ADAMTS17: variants seen among roughly 807,000 people sequenced by gnomAD.
The protein encoded by ADAMTS17 is A disintegrin and metalloproteinase with thrombospondin motifs 17.
ADAMTS17 carries 113 observed loss-of-function variants against 141.5 expected under a neutral mutation model. The observed-to-expected ratio is 0.80, with a 90% confidence interval of 0.69 to 0.93. ADAMTS17 has a LOEUF of 0.93. Ranked by LOEUF, ADAMTS17 falls within the 40% of genes least tolerant of loss-of-function variation. The probability of loss-of-function intolerance (pLI) is 0.00; values close to 1 mark genes in which losing one functional copy is unlikely to be tolerated. For synonymous variants in ADAMTS17, 768 were observed against 630.6 expected, an observed-to-expected ratio of 1.22 and a Z score of -3.27; for missense variants, 1,659 against 1,517.9, an observed-to-expected ratio of 1.09 and a Z score of -1.54.
intron 20 of ADAMTS17, among the ~76,000 whole-genome samples, chr15:99,991,995 G>A (rs1195634854): frequency 6.6e-6 from 1 of 152,052 alleles, no homozygotes; most frequent in Non-Finnish European, 1.5e-5. Flanking sequence ...ACACAGGGAG[G>A]GGAACATCAC....
At chr15:100,314,977 C>A (rs567743041) in intron 3 of ADAMTS17, among the ~76,000 whole-genome samples, 1 of 152,308 alleles carries the variant, frequency 6.6e-6, no homozygotes, top group Non-Finnish European at 1.5e-5. Flanking sequence ...CTGAAGGAGG[C>A]ACAAGGAGTG....
intron 10 of ADAMTS17, among the ~76,000 whole-genome samples, chr15:100,146,549 AG>A (rs1441134410): frequency 6.6e-6 from 1 of 152,224 alleles, no homozygotes; most frequent in African/African-American, 2.4e-5. Flanking sequence ...CAAATTGTAC[AG>A]CATGTGTGTT....
At chr15:100,140,241 C>T (rs1182757696) in intron 10 of ADAMTS17, among the ~76,000 whole-genome samples, 1 of 152,128 alleles carries the variant, frequency 6.6e-6, no homozygotes, top group Non-Finnish European at 1.5e-5. Flanking sequence ...GGTGATCCTC[C>T]TGCCTTGGCC....
intron 15 of ADAMTS17, among the ~76,000 whole-genome samples, chr15:100,095,682 A>G (rs1196594029): frequency 6.6e-6 from 1 of 152,104 alleles, no homozygotes; most frequent in African/African-American, 2.4e-5. Flanking sequence ...TCAACTACAG[A>G]CGCTTTCTTA....
At chr15:100,062,503 T>G (rs564906218) in intron 15 of ADAMTS17, among the ~76,000 whole-genome samples, 139 of 152,292 alleles carry the variant, frequency 9.1e-4, no homozygotes, top group South Asian at 2.5e-3. Context: ...ACTTGCCTAT[T>G]AGAGATTTGT....
At chr15:100,195,613 CAAAAAA>C (rs71287815) in intron 8 of ADAMTS17, among the ~76,000 whole-genome samples, 1 of 63,646 alleles carries the variant, frequency 1.6e-5, no homozygotes, top group Non-Finnish European at 3.0e-5. Flanking sequence ...TGTTTGGTCT[CAAAAAA>C]AAAAAAAAAA....
At chr15:100,164,387 G>C (rs1226485989) in intron 8 of ADAMTS17, among the ~76,000 whole-genome samples, 1 of 16,552 alleles carries the variant, frequency 6.0e-5, no homozygotes, top group African/African-American at 2.7e-4. Flanking sequence ...TAATAATACT[G>C]AATGTCATTC....
chr15:100,136,599 G>A (rs2038345961), intron 10 of ADAMTS17, among the ~76,000 whole-genome samples: 1 of 152,194 alleles, frequency 6.6e-6, no homozygotes, highest in Admixed American at 6.5e-5. Flanking sequence ...GGCAGGAGGG[G>A]GCTTTCTCTA....
At chr15:100,118,938 G>A (rs1188303889) in intron 12 of ADAMTS17, among the ~76,000 whole-genome samples, 1 of 151,928 alleles carries the variant, frequency 6.6e-6, no homozygotes, top group Non-Finnish European at 1.5e-5. Flanking sequence ...TTGGAAACAG[G>A]GTCAACAGGG....
chr15:100,243,405 G>C (rs1211701391), intron 7 of ADAMTS17, among the ~76,000 whole-genome samples: 2 of 152,174 alleles, frequency 1.3e-5, no homozygotes, highest in Non-Finnish European at 2.9e-5. Flanking sequence ...GTTTTCCATA[G>C]CAGATGCACC....
At chr15:100,220,942 G>A (rs1226772156) in intron 7 of ADAMTS17, among the ~76,000 whole-genome samples, 3 of 152,176 alleles carry the variant, frequency 2.0e-5, no homozygotes, top group East Asian at 3.8e-4. Flanking sequence ...TTTCTACATT[G>A]GGACTATGAC....
intron 18 of ADAMTS17, among the ~76,000 whole-genome samples, chr15:100,032,087 T>G (rs910262132): frequency 2.6e-5 from 4 of 152,130 alleles, no homozygotes; most frequent in Admixed American, 2.6e-4. Context: ...AGCTGTGGGT[T>G]TGATTCCTGA....
At chr15:100,176,144 C>T (rs1380890485) in intron 8 of ADAMTS17, among the ~76,000 whole-genome samples, 3 of 152,144 alleles carry the variant, frequency 2.0e-5, no homozygotes, top group Admixed American at 6.5e-5. Context: ...CAACCACTCT[C>T]CAATGGGAAA....
At position 100,262,794 on chromosome 15, in the gene ADAMTS17, A is replaced by C. The variant is rs567206331; in HGVS notation, c.790-359T>G. The stretch of plus-strand genomic sequence containing the variant: ...ACTCTTCCAGTACTAAAAAAAAAAA[A>C]AAACAAAAAACCTAAAGAATAATTA... On this transcript the variant is annotated intron_variant, in intron 4 of 21. Transcript: ENST00000268070. Among the ~76,000 whole-genome samples, 397 of 151,768 alleles carry C rather than the reference A, an allele frequency of 2.6e-3. 1 individual carries two copies. Among genetic ancestry groups the C allele is most frequent in the Admixed American group, 7.8e-3 (119 of 15,274 alleles).
rs1204845257 is a variant in ADAMTS17 at position 100,282,757 on chromosome 15, C to CA, written c.617-1357dup. Reference sequence around the variant, plus strand: ...CACAATTACAATCACAAAAAAGTGGCAAAAAAATGGAAATATACAACTATA... The same window carrying CA: ...CACAATTACAATCACAAAAAAGTGGCAAAAAAAATGGAAATATACAACTATA... On this transcript the variant is annotated intron_variant, in intron 3 of 21. Coordinates refer to ENST00000268070, the MANE Select transcript of ADAMTS17 (RefSeq NM_139057.4). Among the ~76,000 whole-genome samples, 12 of 151,300 alleles carry CA rather than the reference C, an allele frequency of 7.9e-5. No homozygotes were observed. The East Asian group carries it at 1.4e-3, about 17-fold the overall frequency.
chr15:100,244,464 G>A (rs118138013), intron 7 of ADAMTS17, among the ~76,000 whole-genome samples: 265 of 151,714 alleles, frequency 1.7e-3, no homozygotes, highest in East Asian at 0.013. Context: ...TAATTATCAC[G>A]TGTCATGGGA....
intron 7 of ADAMTS17, among the ~76,000 whole-genome samples, chr15:100,248,889 C>G (rs755092947): frequency 2.6e-5 from 4 of 151,712 alleles, no homozygotes; most frequent in Non-Finnish European, 5.9e-5. Context: ...ACCTCCACTT[C>G]CCAGGTTCTA....
At chr15:100,176,424 G>A (rs367576675) in intron 8 of ADAMTS17, among the ~76,000 whole-genome samples, 3 of 152,100 alleles carry the variant, frequency 2.0e-5, no homozygotes, top group African/African-American at 7.2e-5. Flanking sequence ...TGACTTAATT[G>A]GTACGAAGTG....
chr15:100,084,655 A>G (rs563821444), intron 15 of ADAMTS17, among the ~76,000 whole-genome samples: 4 of 152,316 alleles, frequency 2.6e-5, no homozygotes, highest in Admixed American at 2.6e-4. Flanking sequence ...CTTCCAGAGG[A>G]ACGATCAGGC....
Sources: allele counts gnomAD v4.1 joint callset (sites outside exome capture counted in the v4.1 genomes callset), GRCh38; gene constraint gnomAD v4.1.1; transcripts MANE v1.5; gene names NCBI Gene and HGNC (gene_info 2026-07-23, HGNC 2026-07-21).